The following PAX5 variants were observed in gnomAD, a reference collection of about 807,000 sequenced individuals.
PAX5 encodes paired box 5.
PAX5 carries 9 observed loss-of-function variants against 43.7 expected under a neutral mutation model. That is an observed-to-expected ratio of 0.21 (90% CI 0.12 to 0.36). The LOEUF is 0.36. Ranked by LOEUF, PAX5 falls within the 10% of genes least tolerant of loss-of-function variation. The pLI is 1.00. For synonymous variants in PAX5, 228 were observed against 214.3 expected, an observed-to-expected ratio of 1.06 and a Z score of -0.56; for missense variants, 383 against 532.7, an observed-to-expected ratio of 0.72 and a Z score of 2.77.
chr9:36,958,549 T>C (rs1485956094), intron 6 of PAX5, among the ~76,000 whole-genome samples: 1 of 151,976 alleles, frequency 6.6e-6, no homozygotes, highest in Non-Finnish European at 1.5e-5. Flanking sequence ...TTTTGGGCAA[T>C]ACTACGGACT....
At chr9:36,976,953 C>T (rs1392030228) in intron 5 of PAX5, among the ~76,000 whole-genome samples, 1 of 152,184 alleles carries the variant, frequency 6.6e-6, no homozygotes, top group African/African-American at 2.4e-5. Context: ...CTCCTGGATC[C>T]GTTGATCCCT....
chr9:37,033,002 T>C (rs1226539228), intron 1 of PAX5, among the ~76,000 whole-genome samples: 13 of 152,250 alleles, frequency 8.5e-5, no homozygotes, highest in Admixed American at 8.5e-4. Flanking sequence ...ACACAGTGTG[T>C]GTGTGTCTGT....
chr9:37,026,550 G>C (rs768577079), intron 1 of PAX5: 2 of 1,334,576 alleles, frequency 1.5e-6, no homozygotes, highest in South Asian at 2.5e-5. Flanking sequence ...GGATGCAAAC[G>C]GGTCGTGCTT....
chr9:36,940,168 GTC>G (rs998065939), intron 6 of PAX5, among the ~76,000 whole-genome samples: 1 of 152,048 alleles, frequency 6.6e-6, no homozygotes, highest in Non-Finnish European at 1.5e-5. Context: ...AATTGCGTTG[GTC>G]TCTCTCTCTC....
chr9:36,973,135 AAAAGGAAAGG>A (rs1197914196), intron 5 of PAX5, among the ~76,000 whole-genome samples: 29 of 74,762 alleles, frequency 3.9e-4, no homozygotes, highest in African/African-American at 5.0e-4. Context: ...GAAAGGAAAG[AAAAGGAAAGG>A]AAAGGAAAGG....
chr9:36,869,635 G>A (rs1490213456), intron 8 of PAX5, among the ~76,000 whole-genome samples: 1 of 152,224 alleles, frequency 6.6e-6, no homozygotes, highest in East Asian at 1.9e-4. Context: ...CAGAGTCCCT[G>A]GGCTTGCCTG....
intron 7 of PAX5, among the ~76,000 whole-genome samples, chr9:36,913,129 T>A (rs1269827905): frequency 1.3e-5 from 2 of 152,236 alleles, no homozygotes; most frequent in Admixed American, 6.5e-5. Flanking sequence ...TGAGGGATAC[T>A]GCAAATCAGA....
Position 36,891,773 on chromosome 9 carries a change from C to A in PAX5, c.911-9668G>T, listed in dbSNP as rs1827410570. On this transcript the variant is annotated intron_variant, in intron 7 of 9. Transcript: ENST00000358127. The stretch of plus-strand genomic sequence containing the variant: ...TTTCTTTTCCCAAAATTACCTAATC[C>A]CCACTTTTAACTAATTCTGACTGAC... Among the ~76,000 whole-genome samples, 3 of 152,096 alleles carry A rather than the reference C, an allele frequency of 2.0e-5. No homozygotes were observed. The South Asian group carries it at 6.2e-4, about 32-fold the overall frequency.
chr9:37,030,493 G>T (rs973776096), intron 1 of PAX5, among the ~76,000 whole-genome samples: 3 of 152,186 alleles, frequency 2.0e-5, no homozygotes, highest in African/African-American at 7.2e-5. Flanking sequence ...CTCTCACCGC[G>T]GCTCTCAACG....
Position 36,835,386 on chromosome 9 carries a change from C to A in PAX5, c.*5174G>T, listed in dbSNP as rs888505874. 5.6e-5 allele frequency: 13 copies of A among 232,482 alleles called. No homozygotes were observed. Among genetic ancestry groups the A allele is most frequent in the Middle Eastern group, 1.2e-3 (1 of 806 alleles). The allele number at this position is 232,482 out of a possible 1,614,324, so 14.4% of individuals were successfully genotyped here. ...GCAGCTCATTTCAGAGAAGCTGTTG[C>A]CTCATCAGGGGAGCAGGCAGGCAAG... On this transcript the variant is annotated 3_prime_UTR_variant, in exon 10 of 10. Coordinates refer to ENST00000358127, the MANE Select transcript of PAX5 (RefSeq NM_016734.3).
chr9:36,857,018 A>T (rs1439297212), intron 8 of PAX5, among the ~76,000 whole-genome samples: 1 of 152,174 alleles, frequency 6.6e-6, no homozygotes, highest in Non-Finnish European at 1.5e-5. Context: ...GAGTAGGAAT[A>T]ACATTGAACT....
At chr9:36,930,692 G>C (rs1831053404) in intron 6 of PAX5, among the ~76,000 whole-genome samples, 1 of 152,062 alleles carries the variant, frequency 6.6e-6, no homozygotes, top group Non-Finnish European at 1.5e-5. Context: ...TTCACCATGA[G>C]TAAAATGAAA....
chr9:36,962,860 C>T (rs917646839), intron 6 of PAX5, among the ~76,000 whole-genome samples: 1 of 152,170 alleles, frequency 6.6e-6, no homozygotes, highest in Admixed American at 6.5e-5. Context: ...AGCCAGCCTC[C>T]GCGGCCAGCA....
intron 7 of PAX5, among the ~76,000 whole-genome samples, chr9:36,906,713 C>T (rs1197832431): frequency 2.6e-5 from 4 of 152,230 alleles, no homozygotes; most frequent in African/African-American, 7.2e-5. Context: ...CCACCAGCCC[C>T]TCTGCTGGGG....
chr9:36,930,734 C>T (rs1831055714), intron 6 of PAX5, among the ~76,000 whole-genome samples: 1 of 152,110 alleles, frequency 6.6e-6, no homozygotes, highest in African/African-American at 2.4e-5. Context: ...GCCTGCCTAC[C>T]TCGACGATCA....
chr9:36,896,175 A>G (rs372193681), intron 7 of PAX5, among the ~76,000 whole-genome samples: 8 of 152,034 alleles, frequency 5.3e-5, no homozygotes, highest in African/African-American at 1.9e-4. Flanking sequence ...TTTAAGAAAA[A>G]GTCAATAGGT....
chr9:37,027,837 C>A (rs965599164), intron 1 of PAX5, among the ~76,000 whole-genome samples: 1 of 152,266 alleles, frequency 6.6e-6, no homozygotes, highest in African/African-American at 2.4e-5. Context: ...GGCTAAGCAG[C>A]CCACAGGCTC....
intron 7 of PAX5, among the ~76,000 whole-genome samples, chr9:36,902,463 G>T (rs1828487054): frequency 6.6e-6 from 1 of 152,218 alleles, no homozygotes; most frequent in African/African-American, 2.4e-5. Context: ...AATTACAAAG[G>T]TCAAAGAAGG....
intron 5 of PAX5, 80 bp from the exon 6 acceptor site, chr9:36,966,804 T>C (rs1249644556): frequency 1.5e-6 from 2 of 1,337,744 alleles, no homozygotes; most frequent in Non-Finnish European, 2.1e-6. Context: ...CCTGAGACTA[T>C]GAAGAGGACC....
Sources: allele counts gnomAD v4.1 joint callset (sites outside exome capture counted in the v4.1 genomes callset), GRCh38; gene constraint gnomAD v4.1.1; transcripts MANE v1.5; gene names NCBI Gene and HGNC (gene_info 2026-07-23, HGNC 2026-07-21).